Variants in SDCCAG8 observed in about 807,000 individuals in gnomAD.
The protein encoded by SDCCAG8 is SHH signaling and ciliogenesis regulator SDCCAG8.
A neutral mutation model predicts 101.8 loss-of-function variants in SDCCAG8; 74 were observed. The observed-to-expected ratio is 0.73, with a 90% CI of 0.60 to 0.88. The LOEUF is 0.88. SDCCAG8 is among the 40% of genes least tolerant of loss of function. The probability of loss-of-function intolerance (pLI) is 0.00; values close to 1 mark genes in which losing one functional copy is unlikely to be tolerated. For synonymous variants in SDCCAG8, 281 were observed against 292.9 expected (o/e 0.96, Z 0.41); for missense variants, 787 against 822.6 (o/e 0.96, Z 0.53).
chr1:243,492,818 G>A (rs2148290314), intron 17 of SDCCAG8, among the ~76,000 whole-genome samples: 1 of 151,970 alleles, frequency 6.6e-6, no homozygotes, highest in African/African-American at 2.4e-5. Flanking sequence ...CGTAGGCCAG[G>A]CTGGTCTCGA....
chr1:243,257,278 A>G (rs776451121), intron 1 of SDCCAG8, among the ~76,000 whole-genome samples: 2 of 152,208 alleles, frequency 1.3e-5, no homozygotes, highest in South Asian at 2.1e-4. Flanking sequence ...TTGCATTTTC[A>G]TAAGCCTCTA....
At chr1:243,300,314 C>A (rs1050401535) in intron 6 of SDCCAG8, among the ~76,000 whole-genome samples, 1 of 152,022 alleles carries the variant, frequency 6.6e-6, no homozygotes, top group Admixed American at 6.5e-5. Context: ...TCATAAAATT[C>A]TCAGTTTTTC....
chr1:243,421,960 T>G (rs1287021966), intron 15 of SDCCAG8, among the ~76,000 whole-genome samples: 1 of 152,158 alleles, frequency 6.6e-6, no homozygotes, highest in African/African-American at 2.4e-5. Flanking sequence ...AACGTTGCAG[T>G]GCGGTTTGCA....
intron 1 of SDCCAG8, among the ~76,000 whole-genome samples, chr1:243,266,943 C>CAAAA (rs376247572): frequency 1.5e-4 from 15 of 100,562 alleles, no homozygotes; most frequent in South Asian, 1.1e-3. Flanking sequence ...AACTTCGTCT[C>CAAAA]AAAAAAAAAA....
intron 13 of SDCCAG8, among the ~76,000 whole-genome samples, chr1:243,382,130 G>A (rs1281693973): frequency 6.6e-6 from 1 of 152,190 alleles, no homozygotes; most frequent in Non-Finnish European, 1.5e-5. Flanking sequence ...AGATAAGACT[G>A]GAAAGGGGAG....
rs191702274 is a variant in SDCCAG8, at chr1:243,499,148, C to T, written c.2113-608C>T. ...TTCTGAACTTGTGATTCTCCCCCAA[C>T]CTGATCTGCATGAAGCTACTTTGGA... On this transcript the variant is annotated intron_variant, in intron 17 of 17. Transcript: ENST00000366541. Among the ~76,000 whole-genome samples, 255 of 152,330 alleles carry T rather than the reference C, an allele frequency of 1.7e-3. 1 individual carries two copies. In the Middle Eastern group the frequency reaches 0.02, roughly 12 times the overall value.
intron 16 of SDCCAG8, among the ~76,000 whole-genome samples, chr1:243,429,513 A>G (rs1486709598): frequency 2.6e-5 from 4 of 152,068 alleles, no homozygotes; most frequent in Non-Finnish European, 4.4e-5. Context: ...AAGGAGAAAT[A>G]TATTTTGTGG....
chr1:243,280,678 A>G (rs1001006510), intron 4 of SDCCAG8, among the ~76,000 whole-genome samples: 2 of 152,066 alleles, frequency 1.3e-5, no homozygotes, highest in African/African-American at 4.8e-5. Context: ...TCTTTGATTC[A>G]TGTGTGTCAT....
intron 12 of SDCCAG8, among the ~76,000 whole-genome samples, chr1:243,356,956 C>G (rs2076419795): frequency 6.6e-6 from 1 of 152,150 alleles, no homozygotes. Flanking sequence ...TGTGTTCATG[C>G]ACTGCACTGC....
intron 16 of SDCCAG8, among the ~76,000 whole-genome samples, chr1:243,460,866 C>T (rs528019304): frequency 6.6e-6 from 1 of 152,326 alleles, no homozygotes; most frequent in East Asian, 1.9e-4. Context: ...TAGCCTGTGC[C>T]TCCCAGCACA....
intron 13 of SDCCAG8, among the ~76,000 whole-genome samples, chr1:243,407,100 G>T (rs535810648): frequency 6.6e-6 from 1 of 152,074 alleles, no homozygotes; most frequent in African/African-American, 2.4e-5. Context: ...TGAGGCCAGG[G>T]TCTACATCTT....
intron 12 of SDCCAG8, among the ~76,000 whole-genome samples, chr1:243,352,030 A>G (rs1448300395): frequency 3.3e-5 from 5 of 152,212 alleles, no homozygotes; most frequent in Non-Finnish European, 5.9e-5. Context: ...TACCTCATTC[A>G]TAGAAACACT....
chr1:243,299,830 GT>G (rs1396569478), intron 6 of SDCCAG8, among the ~76,000 whole-genome samples: 1 of 149,948 alleles, frequency 6.7e-6, no homozygotes, highest in African/African-American at 2.5e-5. Context: ...TCTCTTATTT[GT>G]TCCCCTTTAC....
At chr1:243,289,560 A>T (rs1320563478) in intron 5 of SDCCAG8, among the ~76,000 whole-genome samples, 2 of 152,216 alleles carry the variant, frequency 1.3e-5, no homozygotes, top group Non-Finnish European at 2.9e-5. Context: ...CAAACTATTT[A>T]CGTTATATTA....
At chr1:243,498,234 G>C (rs756441778) in intron 17 of SDCCAG8, among the ~76,000 whole-genome samples, 1 of 149,642 alleles carries the variant, frequency 6.7e-6, no homozygotes, top group Non-Finnish European at 1.5e-5. Flanking sequence ...TTGACAATCA[G>C]ATCGTGTTGG....
intron 5 of SDCCAG8, among the ~76,000 whole-genome samples, chr1:243,291,993 GT>G (rs1277978471): frequency 3.3e-5 from 5 of 152,126 alleles, no homozygotes; most frequent in Admixed American, 6.5e-5. Flanking sequence ...GCTATTACTG[GT>G]TTATTATTAT....
chr1:243,489,169 A>G, intron 17 of SDCCAG8, 29 bp downstream of exon 17: 1 of 1,609,128 alleles, frequency 6.2e-7, no homozygotes, highest in Non-Finnish European at 8.5e-7. Context: ...CGCAGGTGGG[A>G]GTCCTTGGGC....
intron 16 of SDCCAG8, among the ~76,000 whole-genome samples, chr1:243,447,486 G>A (rs1209893908): frequency 2.0e-5 from 3 of 151,926 alleles, no homozygotes; most frequent in Non-Finnish European, 4.4e-5. Flanking sequence ...CTATCAAGAT[G>A]GTGATTATAG....
intron 16 of SDCCAG8, among the ~76,000 whole-genome samples, chr1:243,463,616 C>G (rs1659560956): frequency 6.6e-6 from 1 of 152,176 alleles, no homozygotes; most frequent in Non-Finnish European, 1.5e-5. Context: ...GGTCTAAAAC[C>G]AGACTTTTAT....
Sources: allele counts gnomAD v4.1 joint callset (sites outside exome capture counted in the v4.1 genomes callset), GRCh38; gene constraint gnomAD v4.1.1; transcripts MANE v1.5; gene names NCBI Gene and HGNC (gene_info 2026-07-23, HGNC 2026-07-21).